SLC25A31: variants seen among roughly 807,000 people sequenced by gnomAD.
SLC25A31 encodes solute carrier family 25 member 31.
In SLC25A31, 40 loss-of-function variants were observed where a neutral mutation model predicts 36.2. The observed-to-expected ratio is 1.10, with a 90% CI of 0.86 to 1.44. The LOEUF (loss-of-function observed/expected upper bound fraction) is 1.44, where lower values mean the gene tolerates loss of function less well. Among genes scored for constraint, SLC25A31 ranks in the 40% most tolerant of loss-of-function variants. SLC25A31 has a pLI of 0.00. For missense variants in SLC25A31, 350 were observed against 397.1 expected, an observed-to-expected ratio of 0.88 and a Z score of 1.01; for synonymous variants, 143 against 149.7, an observed-to-expected ratio of 0.96 and a Z score of 0.32.
intron 2 of SLC25A31, among the ~76,000 whole-genome samples, chr4:127,754,559 G>T (rs1731995751): frequency 6.7e-6 from 1 of 150,096 alleles, no homozygotes; most frequent in African/African-American, 2.4e-5. Context: ...AACACAAAAT[G>T]CTTAGTAAAT....
At chr4:127,739,749 T>C (rs1261632400) in intron 1 of SLC25A31, among the ~76,000 whole-genome samples, 1 of 152,164 alleles carries the variant, frequency 6.6e-6, no homozygotes, top group Non-Finnish European at 1.5e-5. Flanking sequence ...CATAATCTTA[T>C]ATTTCTCAAA....
chr4:127,735,872 A>ATTTT (rs1560630379), intron 1 of SLC25A31, among the ~76,000 whole-genome samples: 1 of 84,470 alleles, frequency 1.2e-5, no homozygotes, highest in African/African-American at 3.7e-5. Flanking sequence ...CTTTTATTTT[A>ATTTT]TTTATTTATT....
chr4:127,770,476 A>C (rs924284643), intron 5 of SLC25A31, among the ~76,000 whole-genome samples: 15 of 152,086 alleles, frequency 9.9e-5, no homozygotes, highest in Middle Eastern at 3.4e-3. Context: ...AATACAAAAA[A>C]TTAGCCAGGC....
intron 5 of SLC25A31, among the ~76,000 whole-genome samples, chr4:127,770,985 C>T (rs1277753870): frequency 3.3e-5 from 4 of 119,404 alleles, no homozygotes; most frequent in Admixed American, 3.3e-4. Flanking sequence ...GAGATGGAGT[C>T]TCACTGTGTC....
At chr4:127,744,894 T>G in intron 2 of SLC25A31, 95 bp downstream of exon 2, 7 of 966,908 alleles carry the variant, frequency 7.2e-6, no homozygotes, top group Non-Finnish European at 9.8e-6. Context: ...TCACTATCTC[T>G]AAAATTTTCT....
At chr4:127,745,289 C>A (rs1279283662) in intron 2 of SLC25A31, among the ~76,000 whole-genome samples, 2 of 135,326 alleles carry the variant, frequency 1.5e-5, no homozygotes, top group African/African-American at 5.7e-5. Context: ...CTAGAGAATT[C>A]TTTTTATTGC....
chr4:127,744,854 T>C, intron 2 of SLC25A31, 55 bp downstream of exon 2: 4 of 1,267,810 alleles, frequency 3.2e-6, no homozygotes, highest in Non-Finnish European at 4.2e-6. Flanking sequence ...TTCCATCCAA[T>C]ATAAATTTCC....
chr4:127,770,364 C>T (rs558740258), intron 5 of SLC25A31, among the ~76,000 whole-genome samples: 31 of 152,284 alleles, frequency 2.0e-4, no homozygotes, highest in Middle Eastern at 3.4e-3. Flanking sequence ...CTGTGGCTCA[C>T]GCCTGTAATC....
chr4:127,757,784 C>CATAT lies in SLC25A31; in HGVS notation c.361-6456_361-6453dup, dbSNP rs532981049. ...ATTCCCTTTTTTTACACATGACTGACATATATCATTTTATGACCTTTTAAT... is the reference window on the plus strand; with the variant it reads ...ATTCCCTTTTTTTACACATGACTGACATATATATATCATTTTATGACCTTTTAAT... On this transcript the variant is annotated intron_variant, in intron 2 of 5. Coordinates refer to ENST00000281154, the MANE Select transcript of SLC25A31 (RefSeq NM_031291.4). Among the ~76,000 whole-genome samples, 44 of 152,248 alleles carry CATAT rather than the reference C, an allele frequency of 2.9e-4. No homozygotes were observed. In the East Asian group the frequency reaches 8.1e-3, roughly 28 times the overall value.
At chr4:127,750,960 A>T (rs1394242972) in intron 2 of SLC25A31, among the ~76,000 whole-genome samples, 1 of 152,222 alleles carries the variant, frequency 6.6e-6, no homozygotes, top group Non-Finnish European at 1.5e-5. Context: ...TGGTAAAGGG[A>T]TTAAAAAGAC....
At chr4:127,737,124 A>C (rs1731647378) in intron 1 of SLC25A31, among the ~76,000 whole-genome samples, 1 of 152,232 alleles carries the variant, frequency 6.6e-6, no homozygotes, top group Admixed American at 6.5e-5. Context: ...AAGATGTTTT[A>C]GTGTGATCTA....
At chr4:127,768,579 CAT>C (rs1339930505) in intron 4 of SLC25A31, among the ~76,000 whole-genome samples, 171 bp from the exon 5 acceptor site, 2 of 152,060 alleles carry the variant, frequency 1.3e-5, no homozygotes, top group African/African-American at 4.8e-5. Context: ...GAAATATAGT[CAT>C]GTGTGGCATT....
intron 5 of SLC25A31, among the ~76,000 whole-genome samples, chr4:127,770,398 G>A (rs199529033): frequency 6.6e-6 from 1 of 152,186 alleles, no homozygotes. Flanking sequence ...AGGCTGAGGC[G>A]GGTGGATCAC....
Position 127,734,739 on chromosome 4 carries a change from A to G in SLC25A31, c.232+3962A>G, listed in dbSNP as rs1232826834. On this transcript the variant is annotated intron_variant, in intron 1 of 5. Transcript: ENST00000281154. ...TTTTAATATCCTAGGGTCCATCTTGAAGATGCTATTTTGGGGTATGGGAAG... is the reference window on the plus strand; with the variant it reads ...TTTTAATATCCTAGGGTCCATCTTGGAGATGCTATTTTGGGGTATGGGAAG... Among the ~76,000 whole-genome samples, 3 of 151,942 alleles carry G rather than the reference A, an allele frequency of 2.0e-5. No homozygotes were observed. In the East Asian group the frequency reaches 5.8e-4, roughly 29 times the overall value.
At chr4:127,737,498 TA>T (rs2148753402) in intron 1 of SLC25A31, among the ~76,000 whole-genome samples, 1 of 152,334 alleles carries the variant, frequency 6.6e-6, no homozygotes, top group African/African-American at 2.4e-5. Context: ...TCTTTATCAT[TA>T]AAACCTTCTG....
intron 2 of SLC25A31, among the ~76,000 whole-genome samples, chr4:127,749,774 G>A (rs1275230204): frequency 1.3e-5 from 2 of 151,742 alleles, no homozygotes; most frequent in Non-Finnish European, 1.5e-5. Flanking sequence ...TGAGGAGGCT[G>A]GGATAACTCT....
At chr4:127,743,902 T>C (rs1156606542) in intron 1 of SLC25A31, among the ~76,000 whole-genome samples, 2 of 152,180 alleles carry the variant, frequency 1.3e-5, no homozygotes, top group Non-Finnish European at 2.9e-5. Context: ...GTGCTAGAGG[T>C]ATCCTGTTCA....
intron 2 of SLC25A31, among the ~76,000 whole-genome samples, chr4:127,762,722 T>G: frequency 6.6e-6 from 1 of 151,644 alleles, no homozygotes; most frequent in East Asian, 1.9e-4. Context: ...ATGGAAACCA[T>G]CCTGGCTAAC....
chr4:127,764,545 G>A (rs1732203695), intron 3 of SLC25A31, among the ~76,000 whole-genome samples, 185 bp downstream of exon 3: 1 of 152,160 alleles, frequency 6.6e-6, no homozygotes. Flanking sequence ...AAAAGGGAAG[G>A]AGGGAAAGCC....
Sources: gnomAD v4.1 joint callset for allele counts (sites outside exome capture counted in the v4.1 genomes callset) on GRCh38, gnomAD v4.1.1 for gene constraint, MANE v1.5 for transcripts, NCBI Gene and HGNC (gene_info 2026-07-23, HGNC 2026-07-21) for gene names.